The following GPC5 variants were observed in gnomAD, a reference collection of about 807,000 sequenced individuals.
The protein encoded by GPC5 is glypican 5, also known as glypican-5.
Under a neutral mutation model 53.9 loss-of-function variants are expected in GPC5, and 47 were observed. That is an observed-to-expected ratio of 0.87 (90% CI 0.69 to 1.11). The LOEUF is 1.11. Among genes scored for constraint, GPC5 ranks in the 50% most tolerant of loss-of-function variants. GPC5 has a pLI of 0.00. For missense variants in GPC5, 748 were observed against 713.1 expected, an observed-to-expected ratio of 1.05 and a Z score of -0.56; for synonymous variants, 286 against 263.3, an observed-to-expected ratio of 1.09 and a Z score of -0.84.
chr13:91,633,412 C>A (rs2034208752), intron 2 of GPC5, among the ~76,000 whole-genome samples: 1 of 152,102 alleles, frequency 6.6e-6, no homozygotes, highest in Admixed American at 6.6e-5. Context: ...AACAACTAAC[C>A]TAATGGCTAG....
intron 2 of GPC5, among the ~76,000 whole-genome samples, chr13:91,667,977 A>G (rs1410452256): frequency 6.6e-6 from 1 of 152,128 alleles, no homozygotes; most frequent in Non-Finnish European, 1.5e-5. Flanking sequence ...TCTCTTTCAT[A>G]ATATTGCTTT....
intron 5 of GPC5, among the ~76,000 whole-genome samples, chr13:91,833,329 G>A (rs2038685198): frequency 6.6e-6 from 1 of 152,078 alleles, no homozygotes; most frequent in Non-Finnish European, 1.5e-5. Flanking sequence ...AGAAGAGCTG[G>A]TACCATTATT....
At chr13:91,426,441 A>G (rs1342858379) in intron 1 of GPC5, among the ~76,000 whole-genome samples, 3 of 152,186 alleles carry the variant, frequency 2.0e-5, no homozygotes, top group Admixed American at 2.0e-4. Flanking sequence ...ATTAAACAGT[A>G]TTGACTCACA....
Position 91,693,198 on chromosome 13 carries a change from A to G in GPC5, c.337A>G (p.Thr113Ala). 1 of 1,611,978 alleles carries G rather than the reference A, an allele frequency of 6.2e-7. No homozygotes were observed. The highest frequency in any genetic ancestry group is 8.5e-7 in the Non-Finnish European group (1 of 1,178,852). The change falls in exon 3 of 8, where the codon ACT becomes GCT. Residue 113 changes from threonine to alanine, a missense_variant. Transcript: ENST00000377067. ...TGCTTGTGTTACAGAAACCCTTGAA[A>G]CTCTCATCAAACAAGCAGAAAATTA... ...NAAAFQETLE[T>A]LIKQAENYTS... is the part of the protein sequence containing the mutation.
intron 7 of GPC5, among the ~76,000 whole-genome samples, chr13:92,646,116 G>C (rs1163620798): frequency 1.3e-5 from 2 of 151,832 alleles, no homozygotes; most frequent in African/African-American, 2.4e-5. Flanking sequence ...TGTTCATAAA[G>C]ATTTTCTCAA....
At chr13:92,666,515 A>AC (rs1886570781) in intron 7 of GPC5, among the ~76,000 whole-genome samples, 1 of 140,976 alleles carries the variant, frequency 7.1e-6, no homozygotes, top group Non-Finnish European at 1.6e-5. Flanking sequence ...CTAATTATAC[A>AC]TAATCAATAT....
chr13:92,457,084 A>T (rs1421091820), intron 7 of GPC5, among the ~76,000 whole-genome samples: 1 of 151,904 alleles, frequency 6.6e-6, no homozygotes, highest in Non-Finnish European at 1.5e-5. Context: ...TCCCACTTAC[A>T]CGTGAGAACA....
intron 7 of GPC5, among the ~76,000 whole-genome samples, chr13:92,680,049 G>A (rs1887068931): frequency 6.6e-6 from 1 of 152,062 alleles, no homozygotes; most frequent in Non-Finnish European, 1.5e-5. Flanking sequence ...TTGTTCTAGG[G>A]CTCATAGAAT....
At chr13:92,500,962 A>T (rs985493958) in intron 7 of GPC5, among the ~76,000 whole-genome samples, 1 of 152,022 alleles carries the variant, frequency 6.6e-6, no homozygotes, top group Non-Finnish European at 1.5e-5. Flanking sequence ...TAGTGGCTTG[A>T]CCCCTACCCA....
At chr13:92,404,096 T>C (rs1329217046) in intron 7 of GPC5, among the ~76,000 whole-genome samples, 1 of 152,206 alleles carries the variant, frequency 6.6e-6, no homozygotes, top group Admixed American at 6.5e-5. Context: ...ATAATTGCTT[T>C]ATATTTGAAA....
chr13:92,125,231 C>G (rs535384610), intron 6 of GPC5, among the ~76,000 whole-genome samples: 1 of 152,072 alleles, frequency 6.6e-6, no homozygotes, highest in Admixed American at 6.5e-5. Flanking sequence ...CCCTGTCTAG[C>G]CTTAAGATGA....
intron 7 of GPC5, among the ~76,000 whole-genome samples, chr13:92,163,995 A>G (rs1031364490): frequency 5.9e-5 from 9 of 152,088 alleles, no homozygotes. Flanking sequence ...CCCTCACAAA[A>G]CCATCAGATC....
At chr13:92,465,660 G>A (rs1203661204) in intron 7 of GPC5, among the ~76,000 whole-genome samples, 1 of 151,892 alleles carries the variant, frequency 6.6e-6, no homozygotes, top group Non-Finnish European at 1.5e-5. Flanking sequence ...ATTCCTTCAA[G>A]CAAAACCATT....
chr13:92,658,320 C>A (rs189207699), intron 7 of GPC5, among the ~76,000 whole-genome samples: 2 of 152,120 alleles, frequency 1.3e-5, no homozygotes, highest in African/African-American at 4.8e-5. Context: ...CATTATGAAG[C>A]GCAAGACACA....
chr13:91,544,846 C>A (rs1043449079), intron 2 of GPC5, among the ~76,000 whole-genome samples: 3 of 152,120 alleles, frequency 2.0e-5, no homozygotes, highest in Non-Finnish European at 4.4e-5. Flanking sequence ...TGGTATCTCA[C>A]AAGCTTGAGT....
chr13:92,663,738 T>C (rs1192392608), intron 7 of GPC5, among the ~76,000 whole-genome samples: 2 of 83,496 alleles, frequency 2.4e-5, no homozygotes, highest in Non-Finnish European at 6.2e-5. Context: ...ATATATCTAC[T>C]ATATATATCT....
At chr13:92,450,743 T>A (rs139254798) in intron 7 of GPC5, among the ~76,000 whole-genome samples, 128 of 152,278 alleles carry the variant, frequency 8.4e-4, no homozygotes, top group African/African-American at 2.9e-3. Flanking sequence ...CATGACATCA[T>A]AAAGCATCGT....
At chr13:92,264,050 A>G (rs1459142843) in intron 7 of GPC5, among the ~76,000 whole-genome samples, 1 of 152,180 alleles carries the variant, frequency 6.6e-6, no homozygotes, top group Non-Finnish European at 1.5e-5. Flanking sequence ...ACATCACATT[A>G]TATCCCATAA....
At chr13:92,478,785 G>A (rs576502141) in intron 7 of GPC5, among the ~76,000 whole-genome samples, 5 of 152,232 alleles carry the variant, frequency 3.3e-5, no homozygotes, top group East Asian at 1.9e-4. Context: ...TCTATCCAGC[G>A]GCACTTTGTC....
Sources: allele counts gnomAD v4.1 joint callset (sites outside exome capture counted in the v4.1 genomes callset), GRCh38; gene constraint gnomAD v4.1.1; transcripts MANE v1.5; gene names NCBI Gene and HGNC (gene_info 2026-07-23, HGNC 2026-07-21).